NEGR1: variants seen among roughly 807,000 people sequenced by gnomAD.
NEGR1 encodes neuronal growth regulator 1.
A neutral mutation model predicts 40.9 loss-of-function variants in NEGR1; 10 were observed. The observed-to-expected ratio is 0.24, with a 90% confidence interval of 0.15 to 0.42. The LOEUF (loss-of-function observed/expected upper bound fraction) is 0.42. Ranked by LOEUF, NEGR1 falls within the 10% of genes least tolerant of loss-of-function variation. NEGR1 has a pLI of 1.00. For synonymous variants in NEGR1, 185 were observed against 166.8 expected, an observed-to-expected ratio of 1.11 and a Z score of -0.84; for missense variants, 352 against 438.9, an observed-to-expected ratio of 0.80 and a Z score of 1.77.
At chr1:72,118,187 C>T (rs1649654007) in intron 1 of NEGR1, among the ~76,000 whole-genome samples, 1 of 151,802 alleles carries the variant, frequency 6.6e-6, no homozygotes, top group Admixed American at 6.6e-5. Flanking sequence ...GGAGATATAG[C>T]ATAGTCTTTG....
intron 1 of NEGR1, among the ~76,000 whole-genome samples, chr1:72,176,668 C>CAAAA (rs1169260745): frequency 1.3e-5 from 2 of 151,732 alleles, no homozygotes; most frequent in Non-Finnish European, 2.9e-5. Flanking sequence ...TGAGGGGAAA[C>CAAAA]AAACAAACAA....
chr1:72,112,266 TAA>T (rs34709497), intron 1 of NEGR1, among the ~76,000 whole-genome samples: 1 of 149,612 alleles, frequency 6.7e-6, no homozygotes, highest in African/African-American at 2.5e-5. Flanking sequence ...CTTTTACGTT[TAA>T]AAAAAAAATC....
intron 2 of NEGR1, among the ~76,000 whole-genome samples, chr1:71,818,649 A>G (rs1243258710): frequency 1.3e-5 from 2 of 151,988 alleles, no homozygotes. Context: ...TTTTACCTAT[A>G]TAATGAAACT....
chr1:71,939,134 G>T (rs960033938), intron 1 of NEGR1, among the ~76,000 whole-genome samples: 1 of 152,028 alleles, frequency 6.6e-6, no homozygotes, highest in Non-Finnish European at 1.5e-5. Flanking sequence ...GCATTCTCTT[G>T]CCTCAGTTAG....
At position 71,897,730 on chromosome 1, in the gene NEGR1, G is replaced by T. The variant is rs561736839; in HGVS notation, c.409+37349C>A. Among the ~76,000 whole-genome samples, 448 of 151,810 alleles carry T rather than the reference G, an allele frequency of 3.0e-3. 3 individuals are homozygous for T. Among genetic ancestry groups the T allele is most frequent in the African/African-American group, 0.01 (430 of 41,420 alleles). On this transcript the variant is annotated intron_variant, in intron 2 of 6. Transcript: ENST00000357731. ...ATAAAAAGTACATAACAATTTAAGG[G>T]TTTTTTTTGTTTGTGTGTTTGTGTT...
intron 2 of NEGR1, among the ~76,000 whole-genome samples, chr1:71,788,661 T>C (rs1656998344): frequency 6.6e-6 from 1 of 151,868 alleles, no homozygotes; most frequent in Non-Finnish European, 1.5e-5. Flanking sequence ...AGATACGTAC[T>C]GTATTGAATA....
chr1:72,197,726 C>A (rs1401907122), intron 1 of NEGR1, among the ~76,000 whole-genome samples: 1 of 151,914 alleles, frequency 6.6e-6, no homozygotes. Context: ...CATTTAGATT[C>A]CCAACCTACA....
intron 3 of NEGR1, among the ~76,000 whole-genome samples, chr1:71,712,984 G>A (rs988503261): frequency 1.3e-5 from 2 of 152,324 alleles, no homozygotes; most frequent in Non-Finnish European, 2.9e-5. Context: ...GGAACTGTGA[G>A]TCAGTTAAAC....
chr1:71,638,790 C>T (rs1428135177), intron 4 of NEGR1, among the ~76,000 whole-genome samples: 1 of 151,900 alleles, frequency 6.6e-6, no homozygotes, highest in Non-Finnish European at 1.5e-5. Context: ...TGGCATCTCC[C>T]ATAAGGTTAC....
chr1:71,709,702 T>C (rs1005101186), intron 3 of NEGR1, among the ~76,000 whole-genome samples: 3 of 152,092 alleles, frequency 2.0e-5, no homozygotes, highest in Non-Finnish European at 4.4e-5. Context: ...TCTCAACATA[T>C]ACAAAAAATC....
At chr1:72,157,544 T>A (rs891863202) in intron 1 of NEGR1, among the ~76,000 whole-genome samples, 4 of 152,168 alleles carry the variant, frequency 2.6e-5, no homozygotes, top group African/African-American at 7.2e-5. Flanking sequence ...GTGCCCCTTG[T>A]AAGGCTGTCT....
At chr1:71,531,937 A>C (rs1434539582) in intron 6 of NEGR1, among the ~76,000 whole-genome samples, 2 of 151,304 alleles carry the variant, frequency 1.3e-5, no homozygotes, top group Non-Finnish European at 3.0e-5. Context: ...TTTCTAAAAC[A>C]CTCAGTTTCT....
chr1:72,272,342 A>G (rs183503129), intron 1 of NEGR1, among the ~76,000 whole-genome samples: 1 of 151,966 alleles, frequency 6.6e-6, no homozygotes, highest in Non-Finnish European at 1.5e-5. Flanking sequence ...AGTAGTCTAC[A>G]TGTCATTTTC....
At chr1:71,809,890 T>C (rs1657926662) in intron 2 of NEGR1, among the ~76,000 whole-genome samples, 3 of 152,134 alleles carry the variant, frequency 2.0e-5, no homozygotes, top group African/African-American at 7.2e-5. Context: ...AACAGACAAA[T>C]TGCTTTAAGC....
chr1:71,439,869 C>T (rs1272711174), intron 6 of NEGR1: 1 of 151,316 alleles, frequency 6.6e-6, no homozygotes, highest in Non-Finnish European at 1.5e-5. Context: ...GCTTTTATTT[C>T]TCTCATATAT....
In NEGR1 at chr1:71,400,165, A is replaced by C. The variant is rs1438113183; in HGVS notation, c.*7281T>G. 1 of 152,222 alleles carries C rather than the reference A, an allele frequency of 6.6e-6. No homozygotes were observed. The highest frequency in any genetic ancestry group is 2.4e-5 in the African/African-American group (1 of 41,454). 9.4% of individuals were successfully genotyped at this position (152,222 alleles called of 1,614,324 possible). A position where few individuals can be genotyped will look rare whatever the true frequency, so the allele number is the denominator to read the frequency against. ...TTTAGCAATCCATTTGAAATGAAGG[A>C]GGGAAACCACCCTCTTTAACATTTT... On this transcript the variant is annotated 3_prime_UTR_variant, in exon 7 of 7. Coordinates refer to ENST00000357731, the MANE Select transcript of NEGR1 (RefSeq NM_173808.3).
intron 1 of NEGR1, among the ~76,000 whole-genome samples, chr1:72,178,369 A>G (rs1346813809): frequency 1.3e-5 from 2 of 151,932 alleles, no homozygotes; most frequent in Non-Finnish European, 2.9e-5. Flanking sequence ...TCACACATTC[A>G]TTGGCTTGCG....
At chr1:71,615,384 A>G (rs975987211) in intron 4 of NEGR1, among the ~76,000 whole-genome samples, 3 of 152,220 alleles carry the variant, frequency 2.0e-5, no homozygotes, top group Non-Finnish European at 4.4e-5. Context: ...AGAGCAAGAT[A>G]TGTTATTTAC....
chr1:71,644,632 G>A (rs1183207050), intron 4 of NEGR1, among the ~76,000 whole-genome samples: 5 of 151,946 alleles, frequency 3.3e-5, no homozygotes, highest in Non-Finnish European at 4.4e-5. Flanking sequence ...GTGAGATCTT[G>A]AGAATGCAAC....
Sources: allele counts gnomAD v4.1 joint callset (sites outside exome capture counted in the v4.1 genomes callset), GRCh38; gene constraint gnomAD v4.1.1; transcripts MANE v1.5; gene names NCBI Gene and HGNC (gene_info 2026-07-23, HGNC 2026-07-21).